The following CRB1 variants were observed in gnomAD, a reference collection of about 807,000 sequenced individuals.
CRB1 encodes the protein protein crumbs homolog 1.
CRB1 carries 83 observed loss-of-function variants against 120.0 expected under a neutral mutation model. The ratio of observed to expected loss-of-function variants is 0.69; its 90% CI spans 0.58 to 0.83. CRB1 has a LOEUF of 0.83. Ranked by LOEUF, CRB1 falls within the 40% of genes least tolerant of loss-of-function variation. The pLI is 0.00. For missense variants in CRB1, 1,699 were observed against 1,687.6 expected (o/e 1.01, Z -0.12); for synonymous variants, 625 against 612.5 (o/e 1.02, Z -0.30).
intron 2 of CRB1, among the ~76,000 whole-genome samples, chr1:197,332,372 T>C (rs1033109755): frequency 2.6e-5 from 4 of 152,148 alleles, no homozygotes; most frequent in Admixed American, 6.5e-5. Context: ...CCTGATATAA[T>C]AGTGTTGTTC....
chr1:197,306,737 C>T (rs922456879), intron 1 of CRB1, among the ~76,000 whole-genome samples: 1 of 152,180 alleles, frequency 6.6e-6, no homozygotes. Flanking sequence ...CACAGAAAGG[C>T]ATGAAGTAAA....
chr1:197,382,128 A>C (rs898835268), intron 5 of CRB1, among the ~76,000 whole-genome samples: 6 of 152,198 alleles, frequency 3.9e-5, no homozygotes, highest in African/African-American at 1.4e-4. Context: ...GCCAATTATT[A>C]ATATTATCTG....
chr1:197,205,359 A>T, the CRB1 span, among the ~76,000 whole-genome samples: 1 of 152,198 alleles, frequency 6.6e-6, no homozygotes, highest in Non-Finnish European at 1.5e-5. Flanking sequence ...ACTTTTCCCC[A>T]TTCAATATAA....
chr1:197,373,173 G>A (rs895136468), intron 5 of CRB1, among the ~76,000 whole-genome samples: 4 of 152,042 alleles, frequency 2.6e-5, no homozygotes, highest in Non-Finnish European at 5.9e-5. Context: ...TGTCCAGAGA[G>A]GTCAGACATG....
intron 4 of CRB1, among the ~76,000 whole-genome samples, chr1:197,353,661 C>T (rs1382675639): frequency 1.3e-5 from 2 of 151,782 alleles, no homozygotes; most frequent in African/African-American, 4.8e-5. Context: ...ATTAGCCGGG[C>T]ATGGTGGCAC....
chr1:197,263,754 C>G (rs570897326), upstream of CRB1, among the ~76,000 whole-genome samples: 3 of 151,696 alleles, frequency 2.0e-5, no homozygotes, highest in South Asian at 6.2e-4. Context: ...TCTTTTTCAC[C>G]AACTCCTTAT....
chr1:197,432,880 T>G (rs1276566803), intron 8 of CRB1, among the ~76,000 whole-genome samples: 1 of 152,070 alleles, frequency 6.6e-6, no homozygotes, highest in Non-Finnish European at 1.5e-5. Flanking sequence ...GGGGAAATAA[T>G]ATTCTTGGTA....
At chr1:197,246,124 A>G in the CRB1 span, among the ~76,000 whole-genome samples, 2 of 151,956 alleles carry the variant, frequency 1.3e-5, no homozygotes, top group South Asian at 4.1e-4. Context: ...ATAGAGATGA[A>G]AGTCCCAGGT....
In CRB1 at chr1:197,328,822, C is replaced by A; in HGVS notation, c.471C>A (p.Cys157Ter). The A allele has an allele frequency of 6.2e-7, 1 of 1,614,064 alleles. No homozygotes were observed. Among genetic ancestry groups the A allele is most frequent in the Non-Finnish European group, 8.5e-7 (1 of 1,179,972 alleles). ...IDHDECASSP[C>*]QNGAVCQDGI... The stretch of plus-strand genomic sequence containing the variant: ...ACGATGAGTGTGCTTCCAGCCCTTG[C>A]CAAAATGGGGCCGTGTGCCAGGATG... The change falls in exon 2 of 12, where the codon TGC (cysteine) becomes TGA (stop). Residue 157 changes from cysteine (C) to a stop codon, truncating the protein, a stop_gained. Transcript: ENST00000367400. LOFTEE classifies it high-confidence loss of function.
At chr1:197,372,585 C>T (rs1402589721) in intron 5 of CRB1, among the ~76,000 whole-genome samples, 1 of 152,038 alleles carries the variant, frequency 6.6e-6, no homozygotes, top group South Asian at 2.1e-4. Context: ...TTAGGAAAAG[C>T]GTATGAATAT....
At chr1:197,317,800 A>G (rs573474058) in intron 1 of CRB1, among the ~76,000 whole-genome samples, 2 of 152,344 alleles carry the variant, frequency 1.3e-5, no homozygotes, top group South Asian at 4.1e-4. Flanking sequence ...CACATGCAGA[A>G]CAATGAAACT....
chr1:197,393,919 C>T (rs566863307), intron 5 of CRB1, among the ~76,000 whole-genome samples: 9 of 152,088 alleles, frequency 5.9e-5, no homozygotes, highest in Admixed American at 1.3e-4. Context: ...ACAAAAACTA[C>T]GATAATGATC....
intron 5 of CRB1, among the ~76,000 whole-genome samples, chr1:197,417,198 T>C (rs1196881713): frequency 1.3e-5 from 2 of 152,122 alleles, no homozygotes; most frequent in Admixed American, 6.5e-5. Context: ...TCCAGTGTCA[T>C]CTAAAGTTGG....
chr1:197,379,786 C>T (rs1661852411), intron 5 of CRB1, among the ~76,000 whole-genome samples: 2 of 152,096 alleles, frequency 1.3e-5, no homozygotes, highest in Non-Finnish European at 2.9e-5. Context: ...TATATCTAAG[C>T]TTGTTCCTTG....
At chr1:197,233,405 T>C in the CRB1 span, among the ~76,000 whole-genome samples, 1 of 152,234 alleles carries the variant, frequency 6.6e-6, no homozygotes, top group African/African-American at 2.4e-5. Flanking sequence ...TTAAGTAGAA[T>C]GTAAGTGGCA....
chr1:197,284,854 ATCTTT>A (rs1655733441), intron 1 of CRB1, among the ~76,000 whole-genome samples: 1 of 151,948 alleles, frequency 6.6e-6, no homozygotes, highest in Admixed American at 6.6e-5. Context: ...TGGTTGTAAT[ATCTTT>A]TCTTCATTGA....
At chr1:197,308,014 A>T (rs1333714857) in intron 1 of CRB1, among the ~76,000 whole-genome samples, 1 of 152,204 alleles carries the variant, frequency 6.6e-6, no homozygotes, top group Non-Finnish European at 1.5e-5. Flanking sequence ...CACTATTCAC[A>T]ATAGTAAATA....
intron 1 of CRB1, among the ~76,000 whole-genome samples, chr1:197,295,177 G>A (rs1656449405): frequency 1.3e-5 from 2 of 151,914 alleles, no homozygotes; most frequent in South Asian, 4.1e-4. Context: ...CAACCTCTTG[G>A]CAGGCTATAG....
chr1:197,376,084 C>A (rs568463006), intron 5 of CRB1, among the ~76,000 whole-genome samples: 2 of 152,256 alleles, frequency 1.3e-5, no homozygotes, highest in Admixed American at 6.5e-5. Context: ...CATCTGCCCC[C>A]TTTTCTTCTT....
Sources: allele counts gnomAD v4.1 joint callset (sites outside exome capture counted in the v4.1 genomes callset), GRCh38; gene constraint gnomAD v4.1.1; transcripts MANE v1.5; gene names NCBI Gene and HGNC (gene_info 2026-07-23, HGNC 2026-07-21).